PRKG1: variants seen among roughly 807,000 people sequenced by gnomAD.
PRKG1 encodes the protein protein kinase cGMP-dependent 1, also known as cGMP-dependent protein kinase 1.
In PRKG1, 35 loss-of-function variants were observed where a neutral mutation model predicts 88.1. That is an observed-to-expected ratio of 0.40 (90% CI 0.30 to 0.53). PRKG1 has a LOEUF of 0.53. PRKG1 is among the 20% of genes least tolerant of loss of function. The probability of loss-of-function intolerance (pLI) is 0.59; values close to 1 mark genes in which losing one functional copy is unlikely to be tolerated. For missense variants in PRKG1, 540 were observed against 839.8 expected, an observed-to-expected ratio of 0.64 and a Z score of 4.41; for synonymous variants, 303 against 292.5, an observed-to-expected ratio of 1.04 and a Z score of -0.37.
chr10:51,921,478 T>G (rs547597189), intron 5 of PRKG1, among the ~76,000 whole-genome samples: 1 of 152,146 alleles, frequency 6.6e-6, no homozygotes, highest in Non-Finnish European at 1.5e-5. Context: ...GGGGACATCC[T>G]TGTCTTGGTT....
intron 8 of PRKG1, among the ~76,000 whole-genome samples, chr10:52,135,576 G>A: frequency 6.6e-6 from 1 of 151,882 alleles, no homozygotes. Context: ...GAAATGAAGA[G>A]GTAAAACCAG....
intron 1 of PRKG1, among the ~76,000 whole-genome samples, chr10:51,049,174 A>G (rs923605771): frequency 2.0e-5 from 3 of 152,204 alleles, no homozygotes; most frequent in African/African-American, 2.4e-5. Context: ...TTAACAGCCA[A>G]ATAGAATCCT....
chr10:51,036,640 G>T (rs1843357825), intron 1 of PRKG1, among the ~76,000 whole-genome samples: 1 of 152,062 alleles, frequency 6.6e-6, no homozygotes, highest in South Asian at 2.1e-4. Context: ...TTATTGGAAG[G>T]AAAGGGAAGG....
At chr10:51,325,211 CT>C (rs1211258565) in intron 2 of PRKG1, among the ~76,000 whole-genome samples, 32 of 152,104 alleles carry the variant, frequency 2.1e-4, no homozygotes, top group African/African-American at 7.5e-4. Context: ...CTTTTACCCA[CT>C]TTTAAATTTG....
chr10:51,869,582 A>G (rs1038504789), intron 4 of PRKG1, among the ~76,000 whole-genome samples: 1 of 152,174 alleles, frequency 6.6e-6, no homozygotes, highest in African/African-American at 2.4e-5. Flanking sequence ...CTGGCTTACC[A>G]TCATTTTTTC....
chr10:51,733,119 T>C (rs553914428), intron 3 of PRKG1, among the ~76,000 whole-genome samples: 1 of 152,244 alleles, frequency 6.6e-6, no homozygotes, highest in African/African-American at 2.4e-5. Context: ...ATAAAAACAC[T>C]AATCCCATCA....
rs1840239230 is a variant in PRKG1, at chr10:51,279,748, A to G, written c.478+126418A>G. Among the ~76,000 whole-genome samples, 2 of 151,802 alleles carry G rather than the reference A, an allele frequency of 1.3e-5. 1 individual carries two copies. Among genetic ancestry groups the G allele is most frequent in the South Asian group, 4.2e-4 (2 of 4,814 alleles). On this transcript the variant is annotated intron_variant, in intron 2 of 17. Transcript: ENST00000373980. ...TGGGTAGATCTTCCTCCATCCCTTT[A>G]TTTTGAGCCTATGTGTGTCTCTGCA...
chr10:51,029,532 A>G (rs1236020643), intron 1 of PRKG1, among the ~76,000 whole-genome samples: 1 of 152,154 alleles, frequency 6.6e-6, no homozygotes, highest in African/African-American at 2.4e-5. Context: ...GATATCTTGC[A>G]GGACACATTA....
At chr10:52,157,701 C>T (rs560208653) in intron 8 of PRKG1, among the ~76,000 whole-genome samples, 6 of 151,584 alleles carry the variant, frequency 4.0e-5, no homozygotes, top group African/African-American at 1.4e-4. Context: ...TTAAATGTCA[C>T]CATTCTTAGT....
intron 1 of PRKG1, among the ~76,000 whole-genome samples, chr10:51,094,791 T>C (rs1281761111): frequency 1.3e-5 from 2 of 152,106 alleles, no homozygotes; most frequent in Non-Finnish European, 2.9e-5. Flanking sequence ...GTGTTTAGAG[T>C]TTTGATTTTG....
intron 2 of PRKG1, among the ~76,000 whole-genome samples, chr10:51,437,216 C>T (rs542217175): frequency 6.6e-6 from 1 of 151,990 alleles, no homozygotes; most frequent in Non-Finnish European, 1.5e-5. Flanking sequence ...TAGATCTGCT[C>T]TTTCTCCTAC....
chr10:51,899,089 C>A (rs1841920913), intron 4 of PRKG1, among the ~76,000 whole-genome samples: 1 of 152,004 alleles, frequency 6.6e-6, no homozygotes, highest in Non-Finnish European at 1.5e-5. Flanking sequence ...TGTAATAATT[C>A]CATTGTATAC....
chr10:52,109,283 T>A (rs1847499172), intron 7 of PRKG1, among the ~76,000 whole-genome samples: 1 of 152,210 alleles, frequency 6.6e-6, no homozygotes, highest in Non-Finnish European at 1.5e-5. Flanking sequence ...TTGGATATAC[T>A]TTCTTCCCCC....
intron 9 of PRKG1, among the ~76,000 whole-genome samples, chr10:52,168,622 T>C (rs1838565318): frequency 6.6e-6 from 1 of 151,830 alleles, no homozygotes; most frequent in Non-Finnish European, 1.5e-5. Context: ...TGAAGGGGTG[T>C]ACATTGAAAG....
At chr10:52,160,129 A>G (rs1455992469) in intron 8 of PRKG1, among the ~76,000 whole-genome samples, 1 of 151,982 alleles carries the variant, frequency 6.6e-6, no homozygotes, top group Non-Finnish European at 1.5e-5. Context: ...TATTTATAAT[A>G]AAAGAAATAT....
chr10:51,620,439 C>T (rs563978595), intron 3 of PRKG1, among the ~76,000 whole-genome samples: 3 of 152,010 alleles, frequency 2.0e-5, no homozygotes, highest in Admixed American at 2.0e-4. Context: ...AAGAATAATT[C>T]TTCCTGCCTC....
At chr10:51,849,927 G>A (rs1840502192) in intron 4 of PRKG1, among the ~76,000 whole-genome samples, 1 of 152,056 alleles carries the variant, frequency 6.6e-6, no homozygotes. Context: ...AGCTCCATCA[G>A]TGGAATCAAG....
chr10:51,509,269 A>G (rs1841321154), intron 3 of PRKG1, among the ~76,000 whole-genome samples: 1 of 152,232 alleles, frequency 6.6e-6, no homozygotes. Context: ...TAAATGCTTT[A>G]GAAATACACT....
chr10:51,277,695 A>G (rs1025486477), intron 2 of PRKG1, among the ~76,000 whole-genome samples: 1 of 152,074 alleles, frequency 6.6e-6, no homozygotes, highest in Admixed American at 6.6e-5. Context: ...TTGGATTCCT[A>G]GGTATTTTAT....
Sources: gnomAD v4.1 joint callset for allele counts (sites outside exome capture counted in the v4.1 genomes callset) on GRCh38, gnomAD v4.1.1 for gene constraint, MANE v1.5 for transcripts, NCBI Gene and HGNC (gene_info 2026-07-23, HGNC 2026-07-21) for gene names.